PC: variants seen among roughly 807,000 people sequenced by gnomAD.
The protein encoded by PC is pyruvate carboxylase, mitochondrial.
In PC, 46 loss-of-function variants were observed where a neutral mutation model predicts 107.8. That is an observed-to-expected ratio of 0.43 (90% CI 0.34 to 0.55). The LOEUF (loss-of-function observed/expected upper bound fraction) is 0.55, where lower values mean the gene tolerates loss of function less well. Ranked by LOEUF, PC falls within the 20% of genes least tolerant of loss-of-function variation. PC has a pLI of 0.04. For missense variants in PC, 1,241 were observed against 1,643.1 expected (o/e 0.76, Z 4.23); for synonymous variants, 662 against 684.7 (o/e 0.97, Z 0.52).
chr11:66,913,923 T>A (rs532587774), intron 3 of PC, among the ~76,000 whole-genome samples: 28 of 152,146 alleles, frequency 1.8e-4, no homozygotes, highest in African/African-American at 6.5e-4. Flanking sequence ...AGGGGCCACA[T>A]GTGCCCAGGC....
At chr11:66,908,737 C>A (rs1159279627) in intron 3 of PC, among the ~76,000 whole-genome samples, 3 of 152,172 alleles carry the variant, frequency 2.0e-5, no homozygotes, top group Non-Finnish European at 4.4e-5. Flanking sequence ...CTGAAGAGAG[C>A]GGGTAGGCTG....
intron 3 of PC, among the ~76,000 whole-genome samples, chr11:66,900,876 AT>A (rs1370068235): frequency 6.6e-6 from 1 of 152,202 alleles, no homozygotes; most frequent in Non-Finnish European, 1.5e-5. Context: ...ATTCAAATAG[AT>A]TTTTAATGAG....
chr11:66,874,942 G>A (rs901244772), intron 3 of PC, among the ~76,000 whole-genome samples: 5 of 152,278 alleles, frequency 3.3e-5, no homozygotes, highest in East Asian at 3.9e-4. Flanking sequence ...GCACAGATCC[G>A]CAGAGAAAGC....
At chr11:66,942,842 G>A (rs1006629087) in intron 3 of PC, among the ~76,000 whole-genome samples, 9 of 151,696 alleles carry the variant, frequency 5.9e-5, no homozygotes, top group African/African-American at 1.2e-4. Flanking sequence ...GAGAAAACCC[G>A]TCTCTACTAA....
intron 9 of PC, among the ~76,000 whole-genome samples, chr11:66,869,601 G>A (rs563873962): frequency 1.3e-5 from 2 of 152,284 alleles, no homozygotes; most frequent in East Asian, 3.9e-4. Context: ...GACCCTGGTC[G>A]ATGCCTCGCA....
At chr11:66,915,662 C>T (rs548863697) in intron 3 of PC, among the ~76,000 whole-genome samples, 1 of 152,294 alleles carries the variant, frequency 6.6e-6, no homozygotes, top group East Asian at 1.9e-4. Flanking sequence ...GGGCCCTGCC[C>T]GCAGGGGGAG....
intron 3 of PC, among the ~76,000 whole-genome samples, chr11:66,892,610 G>C (rs1947617725): frequency 6.6e-6 from 1 of 152,178 alleles, no homozygotes; most frequent in Admixed American, 6.5e-5. Context: ...ACTTTGGGAG[G>C]CCAAGGTGGG....
rs552808171 is a variant in PC, at chr11:66,858,498, G to A, written c.1369-5115C>T. The A allele has an allele frequency of 2.0e-6, 3 of 1,537,784 alleles. No individual in the cohort carries two copies. The East Asian group carries it at 7.3e-5, about 37-fold the overall frequency. On this transcript the variant is annotated intron_variant, in intron 12 of 22. Coordinates refer to ENST00000393960, the MANE Select transcript of PC (RefSeq NM_001040716.2). This position sits in a 1 kb window ranked among gnomAD's most constrained non-coding sequence, Gnocchi z 5.9. ...GTGGCTGCGGCGGCTGGCGCGGCCG[G>A]ACGACCTGGAAACGTGCGCCTCCCC...
At chr11:66,855,069 G>T (rs905193543) in intron 12 of PC, among the ~76,000 whole-genome samples, 2 of 152,254 alleles carry the variant, frequency 1.3e-5, no homozygotes, top group African/African-American at 4.8e-5. Context: ...GCAGGGCTGA[G>T]CGCAGACCCA....
intron 3 of PC, among the ~76,000 whole-genome samples, chr11:66,876,899 A>G (rs1287095456): frequency 6.6e-6 from 1 of 152,162 alleles, no homozygotes; most frequent in African/African-American, 2.4e-5. Context: ...GACAGCAAAC[A>G]CAAGTGGCTC....
At chr11:66,933,733 TG>T (rs2136116386) in intron 3 of PC, among the ~76,000 whole-genome samples, 1 of 152,176 alleles carries the variant, frequency 6.6e-6, no homozygotes, top group South Asian at 2.1e-4. Flanking sequence ...CATTCCGGAA[TG>T]TCTGAGTTAC....
chr11:66,932,302 T>G (rs1328584135), intron 3 of PC, among the ~76,000 whole-genome samples: 1 of 152,138 alleles, frequency 6.6e-6, no homozygotes, highest in Non-Finnish European at 1.5e-5. Context: ...GGTTCAACAG[T>G]AGCATCTCTG....
chr11:66,929,531 T>C (rs951662822), intron 3 of PC, among the ~76,000 whole-genome samples: 1 of 152,096 alleles, frequency 6.6e-6, no homozygotes, highest in African/African-American at 2.4e-5. Flanking sequence ...CATGCCCGGC[T>C]AATTTTTGTA....
At chr11:66,927,894 A>G (rs1948757652) in intron 3 of PC, among the ~76,000 whole-genome samples, 1 of 152,168 alleles carries the variant, frequency 6.6e-6, no homozygotes, top group Non-Finnish European at 1.5e-5. Context: ...TAAGAGAAAG[A>G]AGAAAATAAT....
intron 3 of PC, among the ~76,000 whole-genome samples, chr11:66,928,473 G>A (rs747428715): frequency 2.3e-4 from 35 of 150,952 alleles, no homozygotes; most frequent in Non-Finnish European, 4.6e-4. Flanking sequence ...ACCATGGGGT[G>A]TTCAGTCTAC....
At chr11:66,949,158 T>TA (rs1226777892) in intron 3 of PC, among the ~76,000 whole-genome samples, 1 of 150,926 alleles carries the variant, frequency 6.6e-6, no homozygotes. Flanking sequence ...CACACCCAGC[T>TA]AATTTTTGTA....
At position 66,872,004 on chromosome 11, in the gene PC, C is replaced by A; in HGVS notation, c.136+20G>T. 6.4e-7 allele frequency: 1 copy of A among 1,557,276 alleles called. No individual in the cohort carries two copies. Among genetic ancestry groups the A allele is most frequent in the Non-Finnish European group, 8.7e-7 (1 of 1,150,392 alleles). ...TGGGGCGGCCATGAGGCTCCTCTCA[C>A]CGGCCCCACTGGTGCTCACCTCTGT... On this transcript the variant is annotated intron_variant, in intron 4 of 22. Transcript: ENST00000393960.
chr11:66,870,760 G>A lies in PC; in HGVS notation c.751+15C>T, dbSNP rs202075789. 29 of 1,604,958 alleles carry A rather than the reference G, an allele frequency of 1.8e-5. No individual in the cohort carries two copies. Among genetic ancestry groups the A allele is most frequent in the Admixed American group, 1.3e-4 (8 of 59,970 alleles). ...CGCCTCCAGCTGCCCCAGGCGGGGC[G>A]TCAGGACCACTCACCCAAGATCTGC... On this transcript the variant is annotated intron_variant, in intron 8 of 22. Transcript: ENST00000393960. The surrounding 1 kb of genome is among the most constrained non-coding windows in gnomAD (Gnocchi z 6.1).
rs531056189 is a variant in PC, at chr11:66,858,793, C to T, written c.1368+4981G>A. The stretch of plus-strand genomic sequence containing the variant: ...GGCGCTGGGGACGCTGGGGGCTACA[C>T]CTGCATCGCCACCAACCCTGCTGGT... On this transcript the variant is annotated intron_variant, in intron 12 of 22. Coordinates refer to ENST00000393960, the MANE Select transcript of PC (RefSeq NM_001040716.2). The surrounding 1 kb of genome is among the most constrained non-coding windows in gnomAD (Gnocchi z 5.9). 24 of 1,549,746 alleles carry T rather than the reference C, an allele frequency of 1.5e-5. No homozygotes were observed. In the South Asian group the frequency reaches 2.4e-4, roughly 15 times the overall value.
Sources: allele counts gnomAD v4.1 joint callset (sites outside exome capture counted in the v4.1 genomes callset), GRCh38; gene constraint gnomAD v4.1.1; non-coding constraint Gnocchi (gnomAD v3.1); transcripts MANE v1.5; gene names NCBI Gene and HGNC (gene_info 2026-07-23, HGNC 2026-07-21).